The following NCF2 variants were observed in gnomAD, a reference collection of about 807,000 sequenced individuals.
NCF2 encodes the protein neutrophil cytosolic factor 2, also known as neutrophil cytosol factor 2.
A neutral mutation model predicts 70.9 loss-of-function variants in NCF2; 45 were observed. The observed-to-expected ratio is 0.63, with a 90% CI of 0.50 to 0.81. The LOEUF (loss-of-function observed/expected upper bound fraction) is 0.81, where lower values mean the gene tolerates loss of function less well. NCF2 is among the 40% of genes least tolerant of loss of function. The pLI is 0.00. For missense variants in NCF2, 522 were observed against 631.6 expected (o/e 0.83, Z 1.86); for synonymous variants, 203 against 233.6 (o/e 0.87, Z 1.19).
At chr1:183,579,064 T>G (rs1275166061) in intron 2 of NCF2, among the ~76,000 whole-genome samples, 1 of 152,190 alleles carries the variant, frequency 6.6e-6, no homozygotes, top group East Asian at 1.9e-4. Flanking sequence ...GACCCAGAGC[T>G]ACCAACCCGG....
chr1:183,597,303 TTG>T, the NCF2 span, among the ~76,000 whole-genome samples: 1 of 152,180 alleles, frequency 6.6e-6, no homozygotes, highest in Non-Finnish European at 1.5e-5. Flanking sequence ...AGGATAGTTT[TTG>T]TGTGTGTTTC....
In NCF2 at chr1:183,564,000, G is replaced by A. The variant is rs1672195433; in HGVS notation, c.1026+5C>T. On this transcript the variant is annotated splice_donor_5th_base_variant and intron_variant, in intron 11 of 14. Transcript: ENST00000367535. ...ACTTGAAACAGTATGAGGGAAAAAT[G>A]TTACCTTAGGCTCTTCTTTTTGTTT... 1 of 1,608,664 alleles carries A rather than the reference G, an allele frequency of 6.2e-7. No individual in the cohort carries two copies. The highest frequency in any genetic ancestry group is 8.5e-7 in the Non-Finnish European group (1 of 1,174,968).
rs780702980 is a variant in NCF2 at position 183,563,561 on chromosome 1, G to A, written c.1051C>T (p.Pro351Ser). 1 of 1,613,814 alleles carries A rather than the reference G, an allele frequency of 6.2e-7. No homozygotes were observed. The highest frequency in any genetic ancestry group is 1.7e-5 in the Admixed American group (1 of 60,020). ...TTGTAGTGCACCTTGAGTGTGTAGG[G>A]CATGGGAACACTGAGCTTCACTTCC... ...PKEVKLSVPM[P>S]YTLKVHYKYT... The change falls in exon 12 of 15, where the codon CCC becomes TCC. Residue 351 changes from proline to serine, a missense_variant. Transcript: ENST00000367535.
chr1:183,589,685 G>T lies in NCF2; in HGVS notation c.174+471C>A, dbSNP rs113908540. Among the ~76,000 whole-genome samples the T allele has an allele frequency of 7.2e-4, 109 of 152,296 alleles. 1 individual carries two copies. The highest frequency in any genetic ancestry group is 2.5e-3 in the African/African-American group (103 of 41,552). ...TTATAATTGATCAGAATTGTCACTT[G>T]GGATAAAAGCTATTTTTTGTAAGTG... On this transcript the variant is annotated intron_variant, in intron 1 of 14. Transcript: ENST00000367535.
At chr1:183,588,744 A>T (rs1673495081) in intron 1 of NCF2, among the ~76,000 whole-genome samples, 1 of 152,248 alleles carries the variant, frequency 6.6e-6, no homozygotes, top group Middle Eastern at 3.2e-3. Flanking sequence ...GAAAACAAAG[A>T]AAGGCAGAAG....
chr1:183,591,735 C>T (rs569958369), upstream of NCF2, among the ~76,000 whole-genome samples: 2 of 152,258 alleles, frequency 1.3e-5, no homozygotes, highest in African/African-American at 4.8e-5. Context: ...ATTCGGCCTC[C>T]TCGGCCTCCC....
rs775679393 is a variant in NCF2, at chr1:183,563,205, T to C, written c.1280A>G (p.Glu427Gly). The C allele has an allele frequency of 3.7e-6, 6 of 1,614,054 alleles. No individual in the cohort carries two copies. In the Admixed American group the frequency reaches 6.7e-5, roughly 18 times the overall value. ...VKNYCLTLWC[E>G]NTVGDQGFPD... is the part of the protein sequence containing the mutation. ...CCTCATTGCACTCACCACTGTGTTCTCACACCACAGAGTCAGGCAGTAGTT... is the reference window on the plus strand; with the variant it reads ...CCTCATTGCACTCACCACTGTGTTCCCACACCACAGAGTCAGGCAGTAGTT... Residue 427 changes from glutamate to glycine, a missense_variant, in exon 13 of 15, where the codon GAG (glutamate) becomes GGG (glycine). By Grantham distance (98) the Glu-to-Gly change is moderately conservative. Coordinates refer to ENST00000367535, the MANE Select transcript of NCF2 (RefSeq NM_000433.4).
At chr1:183,586,610 A>T (rs906916003) in intron 2 of NCF2, among the ~76,000 whole-genome samples, 1 of 152,144 alleles carries the variant, frequency 6.6e-6, no homozygotes, top group African/African-American at 2.4e-5. Flanking sequence ...CATCAGGGAC[A>T]CTGGTGGGGT....
intron 2 of NCF2, among the ~76,000 whole-genome samples, chr1:183,584,803 G>A (rs1445921898): frequency 3.9e-5 from 6 of 151,970 alleles, no homozygotes; most frequent in South Asian, 2.1e-4. Context: ...GCAAGACGTC[G>A]GTCAAGATAA....
chr1:183,586,521 C>T (rs935919420), intron 2 of NCF2, among the ~76,000 whole-genome samples: 1 of 152,132 alleles, frequency 6.6e-6, no homozygotes, highest in Non-Finnish European at 1.5e-5. Context: ...TGGGATGAAG[C>T]CAGGTTTTGA....
At chr1:183,585,878 A>C (rs1234230734) in intron 2 of NCF2, among the ~76,000 whole-genome samples, 1 of 152,228 alleles carries the variant, frequency 6.6e-6, no homozygotes, top group Admixed American at 6.5e-5. Context: ...ACTATAAACA[A>C]ACCTAAAAAT....
chr1:183,591,087 A>G (rs1397233500), upstream of NCF2, among the ~76,000 whole-genome samples: 1 of 152,178 alleles, frequency 6.6e-6, no homozygotes, highest in African/African-American at 2.4e-5. Context: ...GCCTTTGGGT[A>G]GGGGAACCAC....
At chr1:183,577,567 C>T (rs1361466524) in intron 3 of NCF2, 32 bp downstream of exon 3, 4 of 1,522,478 alleles carry the variant, frequency 2.6e-6, no homozygotes, top group African/African-American at 2.7e-5. Flanking sequence ...CCATGATCCC[C>T]TCCTGCCCAG....
chr1:183,574,171 C>T (rs1047279754), intron 4 of NCF2, among the ~76,000 whole-genome samples: 1 of 152,196 alleles, frequency 6.6e-6, no homozygotes, highest in African/African-American at 2.4e-5. Flanking sequence ...GGTGATCAAG[C>T]AGACATGGAC....
chr1:183,582,187 GGGCCGT>G (rs2102923465), intron 2 of NCF2, among the ~76,000 whole-genome samples: 1 of 152,302 alleles, frequency 6.6e-6, no homozygotes, highest in East Asian at 1.9e-4. Context: ...GTGTGCCAGT[GGGCCGT>G]GCTGCGGCAG....
At chr1:183,598,910 G>T in the NCF2 span, among the ~76,000 whole-genome samples, 1 of 152,230 alleles carries the variant, frequency 6.6e-6, no homozygotes, top group Non-Finnish European at 1.5e-5. Flanking sequence ...GGATGTATGG[G>T]CAAGTATGAG....
Position 183,567,249 on chromosome 1 carries a change from C to T in NCF2, c.810G>A (p.Leu270=). ...TGGCCCAGTTATCATTGCCCTTCTT[C>T]AAGACAAAGACAATGTTCCCTGGCA... The part of the protein sequence containing the change: ...QVMPGNIVFV[L]KKGNDNWATV... The change falls in exon 8 of 15, where the codon TTG becomes TTA. Residue 270 remains leucine, a synonymous_variant. Transcript: ENST00000367535. 6.2e-7 allele frequency: 1 copy of T among 1,614,170 alleles called. No homozygotes were observed. The highest frequency in any genetic ancestry group is 2.2e-5 in the East Asian group (1 of 44,884).
At chr1:183,599,480 T>TTCTTTCTTTCTTTCTTTCTTTCTC in the NCF2 span, among the ~76,000 whole-genome samples, 7 of 134,264 alleles carry the variant, frequency 5.2e-5, no homozygotes, top group African/African-American at 1.7e-4. Flanking sequence ...CTTTCTTTCT[T>TTCTTTCTTTCTTTCTTTCTTTCTC]TCTCTTTTCT....
chr1:183,563,882 G>A (rs781157423), intron 11 of NCF2, 123 bp downstream of exon 11: 38 of 1,126,570 alleles, frequency 3.4e-5, no homozygotes, highest in Non-Finnish European at 4.6e-5. Flanking sequence ...ACTCTGTAAG[G>A]TAGCAACTGG....
Sources: gnomAD v4.1 joint callset for allele counts (sites outside exome capture counted in the v4.1 genomes callset) on GRCh38, gnomAD v4.1.1 for gene constraint, MANE v1.5 for transcripts, NCBI Gene and HGNC (gene_info 2026-07-23, HGNC 2026-07-21) for gene names.